The following RNF152 variants were observed in gnomAD, a reference collection of about 807,000 sequenced individuals.
RNF152 encodes the protein ring finger protein 152.
RNF152 carries 11 observed loss-of-function variants against 12.7 expected under a neutral mutation model. The ratio of observed to expected loss-of-function variants is 0.86; its 90% CI spans 0.54 to 1.43. The LOEUF (loss-of-function observed/expected upper bound fraction) is 1.43. Ranked by LOEUF, RNF152 falls within the 40% of genes most tolerant of loss-of-function variation. The probability of loss-of-function intolerance (pLI) is 0.00; values close to 1 mark genes in which losing one functional copy is unlikely to be tolerated. For synonymous variants in RNF152, 113 were observed against 120.3 expected, an observed-to-expected ratio of 0.94 and a Z score of 0.40; for missense variants, 255 against 274.8, an observed-to-expected ratio of 0.93 and a Z score of 0.51.
chr18:61,893,515 A>C (rs1913058923), upstream of RNF152: 2 of 152,616 alleles, frequency 1.3e-5, no homozygotes, highest in African/African-American at 4.8e-5. Context: ...CTTCCCGAGC[A>C]GCGCCCCACG....
intron 1 of RNF152, among the ~76,000 whole-genome samples, chr18:61,864,874 G>T (rs912251658): frequency 6.6e-6 from 1 of 152,220 alleles, no homozygotes; most frequent in African/African-American, 2.4e-5. Flanking sequence ...CAAAAAATTA[G>T]CCAGGCGTGG....
intron 1 of RNF152, among the ~76,000 whole-genome samples, chr18:61,862,553 A>T (rs1394790726): frequency 6.6e-6 from 1 of 152,030 alleles, no homozygotes; most frequent in Non-Finnish European, 1.5e-5. Flanking sequence ...CGGTAAAAAA[A>T]CCCAAGCGGA....
rs1045039474 is a variant in RNF152 at position 61,813,902 on chromosome 18, A to G, written c.*1950T>C. On this transcript the variant is annotated 3_prime_UTR_variant, in exon 2 of 2. Transcript: ENST00000312828. ...CACTAACCCAACAGTATATTATGTT[A>G]TGTAATAGAGGATAGTATTCAGCTA... is the stretch of plus-strand genomic sequence containing the variant. 2.0e-5 allele frequency: 3 copies of G among 152,334 alleles called. No homozygotes were observed. The highest frequency in any genetic ancestry group is 2.1e-4 in the South Asian group (1 of 4,826). The allele number at this position is 152,334 out of a possible 1,614,324, so 9.4% of individuals were successfully genotyped here.
In RNF152 at chr18:61,883,194, A is replaced by C. The variant is rs138213335; in HGVS notation, c.-136+9601T>G. ...TCTCAGAGGCCTCTTGCACTTCTCT[A>C]TGCAGCTTTCAAAAATATTTCTGAA... On this transcript the variant is annotated intron_variant, in intron 1 of 1. Coordinates refer to ENST00000312828, the MANE Select transcript of RNF152 (RefSeq NM_173557.3). Among the ~76,000 whole-genome samples, 80 of 152,312 alleles carry C rather than the reference A, an allele frequency of 5.3e-4. No homozygotes were observed. In the East Asian group the frequency reaches 0.012, roughly 22 times the overall value.
chr18:61,889,211 T>TC (rs996037523), intron 1 of RNF152, among the ~76,000 whole-genome samples: 5 of 152,136 alleles, frequency 3.3e-5, no homozygotes, highest in Non-Finnish European at 5.9e-5. Flanking sequence ...GATACTGATA[T>TC]CCCCTCAGTC....
chr18:61,866,145 C>G (rs1307691606), intron 1 of RNF152, among the ~76,000 whole-genome samples: 6 of 152,290 alleles, frequency 3.9e-5, no homozygotes, highest in South Asian at 4.1e-4. Flanking sequence ...GGCCCCACCC[C>G]CTGTGGTAAC....
At chr18:61,866,219 T>C (rs1224118762) in intron 1 of RNF152, among the ~76,000 whole-genome samples, 1 of 152,058 alleles carries the variant, frequency 6.6e-6, no homozygotes. Flanking sequence ...CTCTCCCCAA[T>C]ACCAACCATC....
At chr18:61,845,901 T>A (rs1020419361) in intron 1 of RNF152, among the ~76,000 whole-genome samples, 4 of 149,950 alleles carry the variant, frequency 2.7e-5, no homozygotes. Context: ...GTGAAGGTAT[T>A]AACAGGTGGG....
intron 1 of RNF152, among the ~76,000 whole-genome samples, chr18:61,834,249 A>C (rs1910080812): frequency 6.6e-6 from 1 of 152,210 alleles, no homozygotes; most frequent in African/African-American, 2.4e-5. Context: ...GTCTGGAACC[A>C]AAAAAGAGAA....
rs575822382 is a variant in RNF152, at chr18:61,814,884, G to C, written c.*968C>G. The stretch of plus-strand genomic sequence containing the variant: ...ACTTAAATACACAGAAGAGGAGCGA[G>C]TGTTGCAGGTGACGTGTAGGAGACC... On this transcript the variant is annotated 3_prime_UTR_variant, in exon 2 of 2. Transcript: ENST00000312828. 10 of 152,344 alleles carry C rather than the reference G, an allele frequency of 6.6e-5. No individual in the cohort carries two copies. The South Asian group carries it at 1.9e-3, about 28-fold the overall frequency. 9.4% of individuals were successfully genotyped at this position (152,344 alleles called of 1,614,324 possible). A position where few individuals can be genotyped will look rare whatever the true frequency, so the allele number is the denominator to read the frequency against.
chr18:61,844,561 T>C (rs908763349), intron 1 of RNF152, among the ~76,000 whole-genome samples: 2 of 152,230 alleles, frequency 1.3e-5, no homozygotes, highest in Non-Finnish European at 2.9e-5. Flanking sequence ...GTAAGAAACA[T>C]GTTCAGGACT....
At chr18:61,876,727 C>T (rs1164236415) in intron 1 of RNF152, among the ~76,000 whole-genome samples, 1 of 152,164 alleles carries the variant, frequency 6.6e-6, no homozygotes, top group African/African-American at 2.4e-5. Flanking sequence ...ATAATAGAGA[C>T]ATTAATAGAA....
chr18:61,858,476 C>T (rs952146342), intron 1 of RNF152, among the ~76,000 whole-genome samples: 1 of 152,122 alleles, frequency 6.6e-6, no homozygotes, highest in African/African-American at 2.4e-5. Context: ...CCCCTAAGAT[C>T]CAGCCACCTC....
chr18:61,846,996 A>G (rs546578397), intron 1 of RNF152, among the ~76,000 whole-genome samples: 2 of 152,294 alleles, frequency 1.3e-5, no homozygotes, highest in East Asian at 1.9e-4. Context: ...TCACACCTCC[A>G]TCAAAATATT....
intron 1 of RNF152, among the ~76,000 whole-genome samples, chr18:61,867,678 A>G (rs1023783866): frequency 5.3e-5 from 8 of 152,182 alleles, no homozygotes; most frequent in African/African-American, 1.7e-4. Flanking sequence ...AACTCTCCAC[A>G]TCGCCGGCCT....
intron 1 of RNF152, among the ~76,000 whole-genome samples, chr18:61,884,722 C>T (rs546997213): frequency 6.6e-6 from 1 of 152,160 alleles, no homozygotes; most frequent in South Asian, 2.1e-4. Flanking sequence ...ACCATGCCTG[C>T]CTAATTTGTA....
At chr18:61,846,504 G>T (rs1253699286) in intron 1 of RNF152, among the ~76,000 whole-genome samples, 2 of 152,108 alleles carry the variant, frequency 1.3e-5, no homozygotes, top group East Asian at 1.9e-4. Flanking sequence ...TTGTCTTACA[G>T]GTTGAGGTAA....
intron 1 of RNF152, among the ~76,000 whole-genome samples, chr18:61,829,828 T>C (rs1308684529): frequency 6.6e-6 from 1 of 152,114 alleles, no homozygotes; most frequent in Non-Finnish European, 1.5e-5. Flanking sequence ...ACCAGTCCCC[T>C]CCTATTCTGT....
Position 61,813,595 on chromosome 18 carries a change from A to C in RNF152, c.*2257T>G, listed in dbSNP as rs1246634239. The C allele has an allele frequency of 6.6e-6, 1 of 152,228 alleles. No individual in the cohort carries two copies. The highest frequency in any genetic ancestry group is 2.4e-5 in the African/African-American group (1 of 41,460). The allele number at this position is 152,228 out of a possible 1,614,324, so 9.4% of individuals were successfully genotyped here. On this transcript the variant is annotated 3_prime_UTR_variant, in exon 2 of 2. Transcript: ENST00000312828. ...GAAACACAGGACACTATCATCACAC[A>C]CATTAGTGTCTATATCTAACCTACT... is the stretch of plus-strand genomic sequence containing the variant.
Sources: gnomAD v4.1 joint callset for allele counts (sites outside exome capture counted in the v4.1 genomes callset) on GRCh38, gnomAD v4.1.1 for gene constraint, MANE v1.5 for transcripts, NCBI Gene and HGNC (gene_info 2026-07-23, HGNC 2026-07-21) for gene names.